PRICKLE2: variants seen among roughly 807,000 people sequenced by gnomAD.
PRICKLE2 encodes prickle planar cell polarity protein 2, also known as prickle-like protein 2.
A neutral mutation model predicts 81.4 loss-of-function variants in PRICKLE2; 21 were observed. That is an observed-to-expected ratio of 0.26 (90% CI 0.18 to 0.37). PRICKLE2 has a LOEUF of 0.37. Ranked by LOEUF, PRICKLE2 falls within the 10% of genes least tolerant of loss-of-function variation. PRICKLE2 has a pLI of 1.00. For synonymous variants in PRICKLE2, 456 were observed against 421.5 expected (o/e 1.08, Z -1.00); for missense variants, 940 against 1,109.0 (o/e 0.85, Z 2.16).
intron 7 of PRICKLE2, among the ~76,000 whole-genome samples, chr3:64,121,705 T>A (rs903578554): frequency 6.6e-6 from 1 of 152,178 alleles, no homozygotes; most frequent in Non-Finnish European, 1.5e-5. Context: ...GGGGAGGGTG[T>A]TTCTTGCCGC....
intron 1 of PRICKLE2, among the ~76,000 whole-genome samples, chr3:64,206,530 C>T (rs2078692154): frequency 6.6e-6 from 1 of 152,206 alleles, no homozygotes; most frequent in Admixed American, 6.5e-5. Context: ...GGCAAGACTA[C>T]ATCAGACATG....
intron 2 of PRICKLE2, among the ~76,000 whole-genome samples, chr3:64,238,076 G>A (rs2107167967): frequency 6.6e-6 from 1 of 152,276 alleles, no homozygotes; most frequent in East Asian, 1.9e-4. Flanking sequence ...TCTTGATCAG[G>A]GGAGGACCAG....
intron 2 of PRICKLE2, among the ~76,000 whole-genome samples, chr3:64,232,390 G>C (rs2079118467): frequency 6.6e-6 from 1 of 152,176 alleles, no homozygotes; most frequent in Non-Finnish European, 1.5e-5. Context: ...AGGAATTTCA[G>C]GATTATTCCT....
At chr3:64,127,771 G>A (rs1056621985) in intron 7 of PRICKLE2, among the ~76,000 whole-genome samples, 2 of 151,712 alleles carry the variant, frequency 1.3e-5, no homozygotes, top group Admixed American at 1.3e-4. Context: ...AGCTATGCTA[G>A]GCCCCGATGC....
At chr3:64,186,832 C>T (rs116762001) in intron 2 of PRICKLE2, among the ~76,000 whole-genome samples, 189 of 152,246 alleles carry the variant, frequency 1.2e-3, no homozygotes, top group African/African-American at 4.5e-3. Context: ...ATATCTCCTG[C>T]GTCATAAGGC....
chr3:64,170,234 TC>T (rs1320093725), intron 2 of PRICKLE2, among the ~76,000 whole-genome samples: 1 of 152,136 alleles, frequency 6.6e-6, no homozygotes, highest in Non-Finnish European at 1.5e-5. Flanking sequence ...CATGTTGAAC[TC>T]CCCTAGGATT....
intron 7 of PRICKLE2, among the ~76,000 whole-genome samples, chr3:64,139,425 A>G (rs1195926641): frequency 2.6e-5 from 4 of 152,054 alleles, no homozygotes; most frequent in African/African-American, 9.7e-5. Flanking sequence ...ACCTCTGCCA[A>G]TTTCCTCTCC....
At chr3:64,201,421 T>C (rs1454912112) in intron 1 of PRICKLE2, among the ~76,000 whole-genome samples, 1 of 152,254 alleles carries the variant, frequency 6.6e-6, no homozygotes, top group African/African-American at 2.4e-5. Flanking sequence ...GTCTGTCTTC[T>C]TTTATTGTAG....
intron 2 of PRICKLE2, among the ~76,000 whole-genome samples, chr3:64,233,627 G>T (rs893566893): frequency 6.6e-6 from 1 of 152,076 alleles, no homozygotes; most frequent in Non-Finnish European, 1.5e-5. Context: ...CATCCTTCCC[G>T]CATCTTACTA....
At chr3:64,140,546 C>T (rs2077343936) in intron 7 of PRICKLE2, among the ~76,000 whole-genome samples, 1 of 152,196 alleles carries the variant, frequency 6.6e-6, no homozygotes, top group African/African-American at 2.4e-5. Flanking sequence ...AGCTCACAGT[C>T]TCCAGTTGTC....
upstream of PRICKLE2, among the ~76,000 whole-genome samples, chr3:64,228,533 G>T (rs1003377191): frequency 8.0e-6 from 1 of 125,774 alleles, no homozygotes. Context: ...ATTCTAATGA[G>T]GTGTTTTTTT....
At chr3:64,138,849 G>A (rs1470423478) in intron 7 of PRICKLE2, among the ~76,000 whole-genome samples, 1 of 152,204 alleles carries the variant, frequency 6.6e-6, no homozygotes, top group East Asian at 1.9e-4. Context: ...AAGCACATCT[G>A]AGGTGTGGCC....
intron 2 of PRICKLE2, among the ~76,000 whole-genome samples, chr3:64,183,047 C>T (rs1039822794): frequency 2.6e-5 from 4 of 152,060 alleles, no homozygotes; most frequent in Non-Finnish European, 5.9e-5. Context: ...AATAGGAATG[C>T]AATATCTATC....
chr3:64,199,264 AG>A (rs2078523550), intron 1 of PRICKLE2: 1 of 540,726 alleles, frequency 1.8e-6, no homozygotes. Context: ...ATGGTAATAT[AG>A]TTTTTATTTT....
intron 7 of PRICKLE2, among the ~76,000 whole-genome samples, chr3:64,131,442 G>T (rs925401853): frequency 2.6e-5 from 4 of 152,186 alleles, no homozygotes; most frequent in Middle Eastern, 6.3e-3. Context: ...AATCTGCCAT[G>T]GCTAATACTG....
At position 64,225,420 on chromosome 3, in the gene PRICKLE2, AC is replaced by A; in HGVS notation, c.-552del. 1 of 983,448 alleles carries A rather than the reference AC, an allele frequency of 1.0e-6. No homozygotes were observed. The highest frequency in any genetic ancestry group is 4.7e-5 in the South Asian group (1 of 21,164). The allele number at this position is 983,448 out of a possible 1,614,324, so 60.9% of individuals were successfully genotyped here. ...GCTGCTTGGTCAAAAAATAATAATA[AC>A]TCTCGGTGGCGCTGCTGGTGGTGCC... On this transcript the variant is annotated 5_prime_UTR_variant, in exon 1 of 8. Transcript: ENST00000638394.
rs150635587 is a variant in PRICKLE2 at position 64,136,239 on chromosome 3, C to T, written c.1660+10591G>A. ...GGGCTAAGAGAAGAGGCAGTGTAGA[C>T]AGATGCAAGTTCTAACTACAGGCGA... On this transcript the variant is annotated intron_variant, in intron 7 of 7. Transcript: ENST00000638394. Among the ~76,000 whole-genome samples, 7 of 151,978 alleles carry T rather than the reference C, an allele frequency of 4.6e-5. No homozygotes were observed. In the East Asian group the frequency reaches 1.2e-3, roughly 25 times the overall value.
chr3:64,246,926 G>C (rs748943020), intron 2 of PRICKLE2, among the ~76,000 whole-genome samples: 5 of 152,178 alleles, frequency 3.3e-5, no homozygotes, highest in African/African-American at 1.2e-4. Flanking sequence ...GGAGGGGCAC[G>C]ATGTAGCCAC....
At chr3:64,249,716 C>T (rs1416375452) in intron 2 of PRICKLE2, among the ~76,000 whole-genome samples, 4 of 152,226 alleles carry the variant, frequency 2.6e-5, no homozygotes, top group Non-Finnish European at 5.9e-5. Flanking sequence ...GAATCCCTCT[C>T]ACCTTTTAAG....
Sources: allele counts gnomAD v4.1 joint callset (sites outside exome capture counted in the v4.1 genomes callset), GRCh38; gene constraint gnomAD v4.1.1; transcripts MANE v1.5; gene names NCBI Gene and HGNC (gene_info 2026-07-23, HGNC 2026-07-21).